The following CD99L2 variants were observed in gnomAD, a reference collection of about 807,000 sequenced individuals.
The protein encoded by CD99L2 is CD99 antigen-like protein 2.
A neutral mutation model predicts 27.3 loss-of-function variants in CD99L2; 24 were observed. The observed-to-expected ratio is 0.88, with a 90% CI of 0.64 to 1.24. CD99L2 has a LOEUF of 1.24. Ranked by LOEUF, CD99L2 falls within the 50% of genes most tolerant of loss-of-function variation. CD99L2 has a pLI of 0.00. For missense variants in CD99L2, 255 were observed against 221.6 expected (o/e 1.15, Z -0.96); for synonymous variants, 97 against 87.9 (o/e 1.10, Z -0.58).
At chrX:150,781,747 T>G (rs2045515138) in intron 7 of CD99L2, among the ~76,000 whole-genome samples, 1 of 111,967 alleles carries the variant, frequency 8.9e-6, no homozygotes. Context: ...GTAGCAATAG[T>G]GACCACTGCC....
chrX:150,771,853 T>C (rs2043462371), intron 9 of CD99L2: 3 of 1,152,301 alleles, frequency 2.6e-6, no homozygotes, highest in Middle Eastern at 2.3e-4. Context: ...TTAGAATCCC[T>C]GGAGTAAGAG....
chrX:150,774,651 G>A (rs963013376), intron 9 of CD99L2, among the ~76,000 whole-genome samples: 4 of 112,087 alleles, frequency 3.6e-5, no homozygotes, highest in East Asian at 5.6e-4. Flanking sequence ...CTGTGACTAT[G>A]TACCTGGTTG....
intron 6 of CD99L2, among the ~76,000 whole-genome samples, chrX:150,793,969 T>G (rs530025040): frequency 5.4e-5 from 6 of 111,186 alleles, no homozygotes; most frequent in African/African-American, 1.6e-4. Context: ...GAACCATGGA[T>G]AGGATGGCTA....
chrX:150,871,294 T>G (rs1333774258), intron 1 of CD99L2, among the ~76,000 whole-genome samples: 1 of 111,775 alleles, frequency 8.9e-6, no homozygotes, highest in Non-Finnish European at 1.9e-5. Flanking sequence ...TCTGACCTCT[T>G]GCTCAAGCAC....
intron 7 of CD99L2, among the ~76,000 whole-genome samples, chrX:150,787,516 C>T (rs1209389797): frequency 9.0e-6 from 1 of 110,705 alleles, no homozygotes; most frequent in Non-Finnish European, 1.9e-5. Context: ...CAATGATAGA[C>T]TGGATTAAGA....
At chrX:150,831,384 G>A in intron 1 of CD99L2, 91 bp from the exon 2 acceptor site, 1 of 758,370 alleles carries the variant, frequency 1.3e-6, no homozygotes, top group Non-Finnish European at 1.9e-6. Flanking sequence ...CCTTTAGAAA[G>A]TGAAGGAATA....
intron 1 of CD99L2, among the ~76,000 whole-genome samples, chrX:150,884,495 T>C (rs2047378398): frequency 8.9e-6 from 1 of 111,752 alleles, no homozygotes; most frequent in African/African-American, 3.3e-5. Context: ...CTGGGTAACA[T>C]GGTGTAACCC....
chrX:150,784,644 C>CTGAT (rs1557419503), intron 7 of CD99L2, among the ~76,000 whole-genome samples: 3 of 112,283 alleles, frequency 2.7e-5, no homozygotes, highest in Non-Finnish European at 1.9e-5. Context: ...AGTAATGTGG[C>CTGAT]CCAGAGGATC....
In CD99L2 at chrX:150,816,048, G is replaced by T. The variant is rs782475939; in HGVS notation, c.161C>A (p.Thr54Asn). The T allele has an allele frequency of 5.8e-6, 7 of 1,209,458 alleles. No homozygotes were observed. The highest frequency in any genetic ancestry group is 2.3e-4 in the Middle Eastern group (1 of 4,374). Residue 54 changes from threonine to asparagine, a missense_variant, in exon 3 of 11, where the codon ACC becomes AAC. Transcript: ENST00000370377. ...QPWDHTTTTT[T>N]NRPGTTRAPA... ...AGCTCTGGTGGTTCCTGGCCTATTG[G>T]TTGTGGTGGTGGTGGTGTGGTCCCA...
chrX:150,789,188 T>C (rs1473768739), intron 7 of CD99L2, among the ~76,000 whole-genome samples: 1 of 103,746 alleles, frequency 9.6e-6, no homozygotes, highest in East Asian at 3.0e-4. Context: ...AGTGGTGTGA[T>C]CTCAGCTCAC....
At chrX:150,869,204 A>C (rs67111279) in intron 1 of CD99L2, among the ~76,000 whole-genome samples, 25,588 of 110,624 alleles carry the variant, frequency 0.23, 2,576 homozygotes, top group African/African-American at 0.39. Context: ...CTTGTAAGTT[A>C]ACTTCTCAGC....
intron 9 of CD99L2, among the ~76,000 whole-genome samples, chrX:150,770,936 C>A (rs1557419035): frequency 8.9e-6 from 1 of 112,806 alleles, no homozygotes; most frequent in African/African-American, 3.2e-5. Context: ...GAGGGGCCAG[C>A]CCACCAGCAG....
At chrX:150,806,439 A>G (rs1291213077) in intron 4 of CD99L2, among the ~76,000 whole-genome samples, 1 of 111,768 alleles carries the variant, frequency 8.9e-6, no homozygotes, top group African/African-American at 3.3e-5. Flanking sequence ...CATCTTCTGT[A>G]GAGACGGGGT....
At chrX:150,775,212 G>A (rs1454666541) in intron 9 of CD99L2, among the ~76,000 whole-genome samples, 1 of 112,374 alleles carries the variant, frequency 8.9e-6, no homozygotes, top group African/African-American at 3.2e-5. Context: ...GGTAGGGAAA[G>A]ACCCACGTGG....
intron 1 of CD99L2, among the ~76,000 whole-genome samples, chrX:150,840,918 C>A (rs1286274727): frequency 9.1e-6 from 1 of 110,020 alleles, no homozygotes; most frequent in African/African-American, 3.3e-5. Context: ...CCAATTTACT[C>A]TCAAGTGGCT....
At chrX:150,771,567 T>C (rs1167284837) in intron 9 of CD99L2, among the ~76,000 whole-genome samples, 1 of 111,226 alleles carries the variant, frequency 9.0e-6, no homozygotes, top group Non-Finnish European at 1.9e-5. Context: ...GTCCTCACCA[T>C]GGCACCTCAA....
chrX:150,830,141 C>T (rs943485398), intron 2 of CD99L2, among the ~76,000 whole-genome samples: 4 of 107,641 alleles, frequency 3.7e-5, no homozygotes, highest in African/African-American at 1.0e-4. Context: ...GGTGACAGAG[C>T]GAGACTCTGT....
chrX:150,865,551 C>T (rs1211822195), intron 1 of CD99L2, among the ~76,000 whole-genome samples: 1 of 111,467 alleles, frequency 9.0e-6, no homozygotes, highest in African/African-American at 3.3e-5. Flanking sequence ...GCACACCTTC[C>T]ATGGTGACCT....
intron 1 of CD99L2, among the ~76,000 whole-genome samples, chrX:150,884,927 G>GC (rs2047384506): frequency 2.7e-5 from 3 of 112,198 alleles, no homozygotes; most frequent in Admixed American, 9.5e-5. Flanking sequence ...GTCAAACAGT[G>GC]GAATAACATA....
Sources: allele counts gnomAD v4.1 joint callset (sites outside exome capture counted in the v4.1 genomes callset), GRCh38; gene constraint gnomAD v4.1.1; transcripts MANE v1.5; gene names NCBI Gene and HGNC (gene_info 2026-07-23, HGNC 2026-07-21).